NUF2: variants seen among roughly 807,000 people sequenced by gnomAD.
NUF2 encodes NUF2 component of NDC80 kinetochore complex, also known as kinetochore protein Nuf2.
Under a neutral mutation model 61.8 loss-of-function variants are expected in NUF2, and 34 were observed. The observed-to-expected ratio is 0.55, with a 90% CI of 0.42 to 0.73. The LOEUF (loss-of-function observed/expected upper bound fraction) is 0.73. NUF2 is among the 30% of genes least tolerant of loss of function. NUF2 has a pLI of 0.00. For synonymous variants in NUF2, 172 were observed against 181.6 expected, an observed-to-expected ratio of 0.95 and a Z score of 0.42; for missense variants, 445 against 539.1, an observed-to-expected ratio of 0.83 and a Z score of 1.73.
At chr1:163,330,281 G>A (rs995180430) in intron 5 of NUF2, among the ~76,000 whole-genome samples, 3 of 152,186 alleles carry the variant, frequency 2.0e-5, no homozygotes, top group African/African-American at 7.2e-5. Flanking sequence ...GTTTGTACAT[G>A]TGTGGGGACC....
At chr1:163,344,706 CAT>C (rs1265465196) in intron 10 of NUF2, among the ~76,000 whole-genome samples, 6 of 140,408 alleles carry the variant, frequency 4.3e-5, no homozygotes, top group African/African-American at 7.5e-5. Context: ...ATTTAAAAAA[CAT>C]ATGTGGTTTG....
At chr1:163,338,521 C>T (rs1009688320) in intron 7 of NUF2, among the ~76,000 whole-genome samples, 1 of 152,002 alleles carries the variant, frequency 6.6e-6, no homozygotes, top group African/African-American at 2.4e-5. Flanking sequence ...GGAAAAGAAT[C>T]ACTCAACAGT....
intron 5 of NUF2, among the ~76,000 whole-genome samples, chr1:163,329,707 A>G (rs969447405): frequency 6.6e-6 from 1 of 152,212 alleles, no homozygotes; most frequent in Non-Finnish European, 1.5e-5. Flanking sequence ...TCCAGCAATC[A>G]TGCTCCTTGG....
chr1:163,339,658 A>G (rs1349896930), intron 8 of NUF2, among the ~76,000 whole-genome samples, 181 bp downstream of exon 8: 1 of 152,066 alleles, frequency 6.6e-6, no homozygotes, highest in African/African-American at 2.4e-5. Context: ...TAGAACCGTG[A>G]TGGTTTTTGT....
intron 1 of NUF2, 23 bp from the exon 2 acceptor site, chr1:163,326,009 C>G: frequency 6.3e-7 from 1 of 1,591,436 alleles, no homozygotes; most frequent in Non-Finnish European, 8.6e-7. Context: ...TGTGGTATTT[C>G]TCATTGTTTT....
chr1:163,338,014 T>C lies in NUF2; in HGVS notation c.436-6T>C. 1 of 1,611,516 alleles carries C rather than the reference T, an allele frequency of 6.2e-7. No homozygotes were observed. The highest frequency in any genetic ancestry group is 8.5e-7 in the Non-Finnish European group (1 of 1,177,820). ...TAATATGAGATGATTAAAATTGCTT[T>C]AATAGAAATCCTCTGCGGACAAAAT... is the stretch of plus-strand genomic sequence containing the variant. On this transcript the variant is annotated splice_polypyrimidine_tract_variant and splice_region_variant and intron_variant, in intron 6 of 13. Coordinates refer to ENST00000271452, the MANE Select transcript of NUF2 (RefSeq NM_145697.3).
intron 13 of NUF2, among the ~76,000 whole-genome samples, chr1:163,350,068 G>A (rs1480893991): frequency 2.0e-5 from 3 of 151,888 alleles, no homozygotes; most frequent in Admixed American, 6.6e-5. Context: ...TTGGGAGGCC[G>A]AGGCGGGCGG....
rs779477085 is a variant in NUF2, at chr1:163,343,918, T to C, written c.807+48T>C. On this transcript the variant is annotated intron_variant, in intron 10 of 13. Coordinates refer to ENST00000271452, the MANE Select transcript of NUF2 (RefSeq NM_145697.3). ...TGCTTTTGTATCTAAAAAAAAAAAT[T>C]AGCAAATTCTTGTTTAATTATGTGT... is the stretch of plus-strand genomic sequence containing the variant. 4.3e-6 allele frequency: 5 copies of C among 1,159,968 alleles called. No individual in the cohort carries two copies. The Admixed American group carries it at 1.2e-4, about 28-fold the overall frequency. The allele number at this position is 1,159,968 out of a possible 1,614,324, so 71.9% of individuals were successfully genotyped here.
intron 6 of NUF2, among the ~76,000 whole-genome samples, chr1:163,337,223 C>T (rs543466880): frequency 1.2e-4 from 18 of 152,058 alleles, no homozygotes; most frequent in African/African-American, 3.6e-4. Context: ...TTATATTTGC[C>T]TTTTAAATAA....
At chr1:163,330,110 A>T (rs1267524682) in intron 5 of NUF2, among the ~76,000 whole-genome samples, 2 of 152,166 alleles carry the variant, frequency 1.3e-5, no homozygotes, top group African/African-American at 4.8e-5. Flanking sequence ...TGCTACTCTA[A>T]TGGTAGATAC....
chr1:163,347,926 G>T lies in NUF2; in HGVS notation c.1112G>T (p.Arg371Leu), dbSNP rs775293541. The stretch of plus-strand genomic sequence containing the variant: ...CATGAAGATGTTAAGCAATACAAAC[G>T]CACAGTAATTGAGTATGGAGTTGTT... ...KKHEDVKQYK[R>L]TVIEDCNKVQ... The change falls in exon 12 of 14, where the codon CGC (arginine) becomes CTC (leucine). Residue 371 changes from arginine (R) to leucine (L), a missense_variant. Physicochemically the swap from Arg to Leu is moderately radical, Grantham distance 102. Transcript: ENST00000271452. The T allele has an allele frequency of 1.9e-6, 3 of 1,585,600 alleles. No homozygotes were observed. Among genetic ancestry groups the T allele is most frequent in the South Asian group, 1.2e-5 (1 of 85,050 alleles).
chr1:163,345,589 G>A, intron 10 of NUF2, 89 bp from the exon 11 acceptor site: 2 of 1,199,272 alleles, frequency 1.7e-6, no homozygotes, highest in Non-Finnish European at 2.4e-6. Context: ...ATTAAATGTG[G>A]AAATTATTTA....
intron 5 of NUF2, 112 bp from the exon 6 acceptor site, chr1:163,336,639 C>G: frequency 1.5e-6 from 1 of 658,446 alleles, no homozygotes. Context: ...ATATCCTATA[C>G]AGTTTTATTT....
At chr1:163,354,941 G>A (rs181089503) in intron 13 of NUF2, among the ~76,000 whole-genome samples, 23 of 152,062 alleles carry the variant, frequency 1.5e-4, no homozygotes, top group African/African-American at 5.3e-4. Flanking sequence ...CTTATTAAAT[G>A]TTTGCATACC....
Position 163,355,544 on chromosome 1 carries a change from G to A in NUF2, c.*75G>A, listed in dbSNP as rs556751941. 95 of 1,342,668 alleles carry A rather than the reference G, an allele frequency of 7.1e-5. No homozygotes were observed. Among genetic ancestry groups the A allele is most frequent in the Non-Finnish European group, 8.9e-5 (87 of 977,662 alleles). The allele number at this position is 1,342,668 out of a possible 1,614,324, so 83.2% of individuals were successfully genotyped here. Reference sequence around the variant, plus strand: ...TCTATTTAGAAAGAAAAGTTGAAGCGAATGGAAGTATCAGAAGTACCAAAT... The same window carrying A: ...TCTATTTAGAAAGAAAAGTTGAAGCAAATGGAAGTATCAGAAGTACCAAAT... On this transcript the variant is annotated 3_prime_UTR_variant, in exon 14 of 14. Transcript: ENST00000271452.
chr1:163,343,829 G>C lies in NUF2; in HGVS notation c.766G>C (p.Glu256Gln). The C allele has an allele frequency of 6.9e-7, 1 of 1,458,298 alleles. No individual in the cohort carries two copies. Among genetic ancestry groups the C allele is most frequent in the South Asian group, 1.5e-5 (1 of 65,386 alleles). 90.3% of individuals were successfully genotyped at this position (1,458,298 alleles called of 1,614,324 possible). Reference sequence around the variant, plus strand: ...TCCAGAGAAGTTAAAGAATTATAAAGAAAAAATGAAAGATACGGTCCAGAA... The same window carrying C: ...TCCAGAGAAGTTAAAGAATTATAAACAAAAAATGAAAGATACGGTCCAGAA... ...DSPEKLKNYK[E>Q]KMKDTVQKLK... The change falls in exon 10 of 14, where the codon GAA (glutamate) becomes CAA (glutamine). Residue 256 changes from glutamate to glutamine, a missense_variant. Glu to Gln is a conservative substitution (Grantham distance 29). Transcript: ENST00000271452.
At chr1:163,351,836 A>C (rs973619441) in intron 13 of NUF2, among the ~76,000 whole-genome samples, 34 of 152,294 alleles carry the variant, frequency 2.2e-4, no homozygotes, top group African/African-American at 7.5e-4. Context: ...TTCTTTGTGC[A>C]GTTCTGTTGC....
At chr1:163,337,149 A>G (rs978387365) in intron 6 of NUF2, among the ~76,000 whole-genome samples, 1 of 151,956 alleles carries the variant, frequency 6.6e-6, no homozygotes, top group Admixed American at 6.6e-5. Flanking sequence ...ATATGTTTAC[A>G]TTTTTTTCTT....
In NUF2 at chr1:163,339,431, T is replaced by C; in HGVS notation, c.560T>C (p.Ile187Thr). 1 of 1,612,914 alleles carries C rather than the reference T, an allele frequency of 6.2e-7. No individual in the cohort carries two copies. The highest frequency in any genetic ancestry group is 8.5e-7 in the Non-Finnish European group (1 of 1,179,022). Residue 187 changes from isoleucine to threonine, a missense_variant, in exon 8 of 14, where the codon ATT (isoleucine) becomes ACT (threonine). By Grantham distance (89) the Ile-to-Thr change is moderately conservative (BLOSUM62 -1). Coordinates refer to ENST00000271452, the MANE Select transcript of NUF2 (RefSeq NM_145697.3). Reference protein sequence around the residue: ...QEEFKQLSDGIQELQQSLNQD... With the variant: ...QEEFKQLSDGTQELQQSLNQD... ...GAGTTCAAGCAGCTTTCAGATGGAA[T>C]TCAGGAGCTACAACAATCACTAAAT...
Sources: allele counts gnomAD v4.1 joint callset (sites outside exome capture counted in the v4.1 genomes callset), GRCh38; gene constraint gnomAD v4.1.1; transcripts MANE v1.5; gene names NCBI Gene and HGNC (gene_info 2026-07-23, HGNC 2026-07-21).